Variants in RHBDL2 observed in about 807,000 individuals in gnomAD.
The protein encoded by RHBDL2 is rhomboid-related protein 2.
Under a neutral mutation model 31.7 loss-of-function variants are expected in RHBDL2, and 26 were observed. That is an observed-to-expected ratio of 0.82 (90% CI 0.60 to 1.14). The LOEUF is 1.14. Among genes scored for constraint, RHBDL2 ranks in the 50% most tolerant of loss-of-function variants. The pLI is 0.00. For missense variants in RHBDL2, 336 were observed against 364.4 expected (o/e 0.92, Z 0.63); for synonymous variants, 123 against 127.2 (o/e 0.97, Z 0.22).
rs1360480588 is a variant in RHBDL2 at position 38,894,688 on chromosome 1, CTTTTT to C, written c.609+1276_609+1280del. 4.7e-4 allele frequency among the ~76,000 whole-genome samples: 62 copies of C among 131,334 alleles called. 2 individuals carry two copies. The South Asian group carries it at 0.015, about 31-fold the overall frequency. 86.2% of individuals were successfully genotyped at this position (131,334 alleles called of 152,430 possible). ...GATAAATGTAAAAAGCATTTCTTTT[CTTTTT>C]TTTCTTTTTTTTTCTTTTTTTTTTT... On this transcript the variant is annotated intron_variant, in intron 5 of 7. Transcript: ENST00000372990.
At chr1:38,911,019 T>A (rs116418457) in intron 4 of RHBDL2, among the ~76,000 whole-genome samples, 3,058 of 152,098 alleles carry the variant, frequency 0.02, 94 homozygotes, top group African/African-American at 0.07. Flanking sequence ...CCTCGTGTGA[T>A]CTACCCACAT....
At chr1:38,924,768 G>A (rs1643355073) in intron 1 of RHBDL2, among the ~76,000 whole-genome samples, 1 of 148,504 alleles carries the variant, frequency 6.7e-6, no homozygotes, top group Admixed American at 6.7e-5. Context: ...CTGTTGAAAA[G>A]AGATTTCTTT....
At chr1:38,930,076 T>C (rs1162969285) in intron 1 of RHBDL2, among the ~76,000 whole-genome samples, 1 of 152,198 alleles carries the variant, frequency 6.6e-6, no homozygotes, top group Non-Finnish European at 1.5e-5. Context: ...AGAACTCTGC[T>C]TCCTGAGCTC....
At chr1:38,897,066 G>T (rs1642927153) in intron 4 of RHBDL2, among the ~76,000 whole-genome samples, 1 of 151,924 alleles carries the variant, frequency 6.6e-6, no homozygotes, top group Non-Finnish European at 1.5e-5. Flanking sequence ...CTACTCTGAG[G>T]AGGAGGAGAT....
intron 4 of RHBDL2, among the ~76,000 whole-genome samples, chr1:38,905,590 A>G (rs78075021): frequency 5.0e-5 from 2 of 39,640 alleles, no homozygotes; most frequent in Non-Finnish European, 2.8e-4. Context: ...TCTCTACAGG[A>G]AAAAAAAAAA....
rs541694463 is a variant in RHBDL2, at chr1:38,939,451, C to T, written c.-126+2231G>A. 2.6e-5 allele frequency among the ~76,000 whole-genome samples: 4 copies of T among 152,200 alleles called. No homozygotes were observed. In the East Asian group the frequency reaches 7.7e-4, roughly 29 times the overall value. ...CCAAGGCAGGTGGATCACTCGAGTC[C>T]AGGAGTTCAAGACCATCCTGGGCAA... On this transcript the variant is annotated intron_variant, in intron 1 of 7. Coordinates refer to ENST00000372990, the MANE Select transcript of RHBDL2 (RefSeq NM_017821.5).
chr1:38,931,878 G>T (rs61780057), intron 1 of RHBDL2, among the ~76,000 whole-genome samples: 33,253 of 152,084 alleles, frequency 0.22, 4,385 homozygotes, highest in East Asian at 0.5. Flanking sequence ...AAGGATGGTA[G>T]ACTAAAGACG....
intron 7 of RHBDL2, 103 bp downstream of exon 7, chr1:38,887,859 TG>T: frequency 1.3e-6 from 1 of 780,128 alleles, no homozygotes; most frequent in Non-Finnish European, 2.1e-6. Context: ...AACTTCCAAA[TG>T]GAAATTTGGC....
At chr1:38,912,902 ATATATATATGTGTGTGTGTG>A (rs1272520384) in intron 3 of RHBDL2, among the ~76,000 whole-genome samples, 42 of 36,410 alleles carry the variant, frequency 1.2e-3, no homozygotes, top group Non-Finnish European at 2.2e-3. Context: ...ATATATATAT[ATATATATATGTGTGTGTGTG>A]TGTGTGTGTG....
chr1:38,932,754 C>T (rs550462347), intron 1 of RHBDL2, among the ~76,000 whole-genome samples: 1 of 152,320 alleles, frequency 6.6e-6, no homozygotes, highest in Admixed American at 6.5e-5. Context: ...GCCACCACAC[C>T]TATTCTTGTT....
At chr1:38,931,511 G>A (rs763600601) in intron 1 of RHBDL2, among the ~76,000 whole-genome samples, 15 of 147,536 alleles carry the variant, frequency 1.0e-4, no homozygotes, top group Non-Finnish European at 1.5e-4. Flanking sequence ...GACAGAGCGA[G>A]ACTCCGTCTC....
intron 1 of RHBDL2, among the ~76,000 whole-genome samples, chr1:38,921,658 A>G (rs1216860977): frequency 6.6e-6 from 1 of 152,008 alleles, no homozygotes; most frequent in African/African-American, 2.4e-5. Flanking sequence ...TCCCCAGCAA[A>G]TTTTCTGAAA....
chr1:38,940,549 G>A (rs535095396), intron 1 of RHBDL2, among the ~76,000 whole-genome samples: 172 of 152,106 alleles, frequency 1.1e-3, no homozygotes, highest in African/African-American at 3.8e-3. Context: ...CTGTTTACAC[G>A]CTGCCTACGT....
rs1042190867 is a variant in RHBDL2, at chr1:38,906,698, C to A, written c.508+4624G>T. On this transcript the variant is annotated intron_variant, in intron 4 of 7. Coordinates refer to ENST00000372990, the MANE Select transcript of RHBDL2 (RefSeq NM_017821.5). Reference sequence around the variant, plus strand: ...CAAAAAAAAAAAAGAATAACATGCACAAATCAATTGTGTTTCTATATACTA... The same window carrying A: ...CAAAAAAAAAAAAGAATAACATGCAAAAATCAATTGTGTTTCTATATACTA... 7.9e-5 allele frequency among the ~76,000 whole-genome samples: 12 copies of A among 151,720 alleles called. No individual in the cohort carries two copies. In the South Asian group the frequency reaches 1.7e-3, roughly 21 times the overall value.
rs1315359926 is a variant in RHBDL2 at position 38,905,854 on chromosome 1, T to A, written c.508+5468A>T. Reference sequence around the variant, plus strand: ...AGGCCAAGGCAGGCAGATCATGAGGTCAGGAGTTTGAGACAAGCCTGGCCA... The same window carrying A: ...AGGCCAAGGCAGGCAGATCATGAGGACAGGAGTTTGAGACAAGCCTGGCCA... On this transcript the variant is annotated intron_variant, in intron 4 of 7. Transcript: ENST00000372990. Among the ~76,000 whole-genome samples the A allele has an allele frequency of 2.6e-5, 4 of 151,198 alleles. No homozygotes were observed. In the East Asian group the frequency reaches 7.8e-4, roughly 30 times the overall value.
rs1642829072 is a variant in RHBDL2 at position 38,889,523 on chromosome 1, T to C, written c.671-1499A>G. ...ATCGAAGTGAAGAAGGATGGTGGCA[T>C]TTTATACATAAAGAAACCAAGACAC... is the stretch of plus-strand genomic sequence containing the variant. On this transcript the variant is annotated intron_variant, in intron 6 of 7. Coordinates refer to ENST00000372990, the MANE Select transcript of RHBDL2 (RefSeq NM_017821.5). Among the ~76,000 whole-genome samples the C allele has an allele frequency of 2.6e-5, 4 of 152,268 alleles. No homozygotes were observed. In the South Asian group the frequency reaches 8.3e-4, roughly 32 times the overall value.
At chr1:38,902,507 C>T (rs1273959643) in intron 4 of RHBDL2, among the ~76,000 whole-genome samples, 1 of 149,968 alleles carries the variant, frequency 6.7e-6, no homozygotes, top group African/African-American at 2.5e-5. Context: ...GTAACCTCTG[C>T]TTCCCAGGTT....
At chr1:38,938,440 A>C (rs954477081) in intron 1 of RHBDL2, among the ~76,000 whole-genome samples, 1 of 151,824 alleles carries the variant, frequency 6.6e-6, no homozygotes. Context: ...ATTTCCCCAA[A>C]TATACCCTAT....
chr1:38,926,827 G>A (rs571130429), intron 1 of RHBDL2: 1 of 152,314 alleles, frequency 6.6e-6, no homozygotes, highest in Admixed American at 6.5e-5. Context: ...GTGATAAAGC[G>A]AGACCCTATC....
Sources: allele counts gnomAD v4.1 joint callset (sites outside exome capture counted in the v4.1 genomes callset), GRCh38; gene constraint gnomAD v4.1.1; transcripts MANE v1.5; gene names NCBI Gene and HGNC (gene_info 2026-07-23, HGNC 2026-07-21).